The following MCM10 variants were observed in gnomAD, a reference collection of about 807,000 sequenced individuals.
MCM10 encodes the protein minichromosome maintenance 10 replication initiation factor.
A neutral mutation model predicts 109.9 loss-of-function variants in MCM10; 91 were observed. The ratio of observed to expected loss-of-function variants is 0.83; its 90% CI spans 0.70 to 0.99. The LOEUF is 0.99. Ranked by LOEUF, MCM10 falls within the 50% of genes least tolerant of loss-of-function variation. MCM10 has a pLI of 0.00. For synonymous variants in MCM10, 380 were observed against 387.2 expected (o/e 0.98, Z 0.22); for missense variants, 1,077 against 1,061.2 (o/e 1.01, Z -0.21).
chr10:13,186,035 T>TATAG (rs1343896599), intron 8 of MCM10, 129 bp from the exon 9 acceptor site: 1 of 613,644 alleles, frequency 1.6e-6, no homozygotes, highest in East Asian at 2.9e-5. Context: ...GTGCTAGGAT[T>TATAG]ATAGGTGTGA....
At chr10:13,169,491 G>A (rs1834042646) in intron 2 of MCM10, among the ~76,000 whole-genome samples, 2 of 152,136 alleles carry the variant, frequency 1.3e-5, no homozygotes, top group South Asian at 4.1e-4. Context: ...GGAAAACGTG[G>A]ATACCCAGCA....
chr10:13,178,027 G>T (rs1834164069), intron 6 of MCM10, among the ~76,000 whole-genome samples: 1 of 152,102 alleles, frequency 6.6e-6, no homozygotes, highest in Non-Finnish European at 1.5e-5. Context: ...TCTTAGCCAA[G>T]ACCAATGTCC....
chr10:13,176,743 A>G (rs1312674429), intron 6 of MCM10, among the ~76,000 whole-genome samples: 3 of 152,158 alleles, frequency 2.0e-5, no homozygotes, highest in Admixed American at 1.3e-4. Context: ...CAAAAAGTAA[A>G]TTAGCTGGAC....
chr10:13,191,251 C>A, intron 10 of MCM10, 48 bp from the exon 11 acceptor site: 2 of 1,238,150 alleles, frequency 1.6e-6, no homozygotes, highest in Non-Finnish European at 2.4e-6. Context: ...CTCATCAGAG[C>A]ATTGAGGCTT....
rs12248671 is a variant in MCM10 at position 13,180,508 on chromosome 10, T to C, written c.831T>C (p.Ser277=). ...CCGGCCGAAAACTGATCAGACTGTC[T>C]CAGATCAAGGAAAAGATGGCCAGAG... ...KMTGRKLIRL[S]QIKEKMAREK... is the part of the protein sequence containing the mutation. The change falls in exon 7 of 20, where the codon TCT becomes TCC. Residue 277 remains serine, a synonymous_variant. Coordinates refer to ENST00000378714, the MANE Select transcript of MCM10 (RefSeq NM_018518.5). The C allele has an allele frequency of 3.1e-3, 5,006 of 1,613,932 alleles. 143 individuals carry two copies. In the African/African-American group the frequency reaches 0.059, roughly 19 times the overall value.
rs149361755 is a variant in MCM10 at position 13,172,910 on chromosome 10, A to G, written c.592+145A>G. 1,079 of 760,402 alleles carry G rather than the reference A, an allele frequency of 1.4e-3. 2 individuals are homozygous for G. Among genetic ancestry groups the G allele is most frequent in the South Asian group, 2.2e-3 (111 of 50,652 alleles). The allele number at this position is 760,402 out of a possible 1,614,324, so 47.1% of individuals were successfully genotyped here. On this transcript the variant is annotated intron_variant, in intron 5 of 19. Coordinates refer to ENST00000378714, the MANE Select transcript of MCM10 (RefSeq NM_018518.5). This position sits in a 1 kb window ranked among gnomAD's most constrained non-coding sequence, Gnocchi z 5.2. ...AAAGTTTCTTGGGAATGGAAGCCAC[A>G]TGATATATTTTGTGTTCTTCGTCTA...
chr10:13,185,785 C>T (rs61851445), intron 8 of MCM10, among the ~76,000 whole-genome samples: 19,279 of 152,118 alleles, frequency 0.13, 1,511 homozygotes, highest in Non-Finnish European at 0.17. Flanking sequence ...CTTTTTGAGA[C>T]GGCCTCACTC....
At chr10:13,190,197 A>G (rs895616120) in intron 10 of MCM10, among the ~76,000 whole-genome samples, 10 of 152,278 alleles carry the variant, frequency 6.6e-5, no homozygotes, top group African/African-American at 2.4e-4. Context: ...TTTGTTCCCA[A>G]TCCAGCAGGA....
chr10:13,202,416 A>G (rs550672156), intron 17 of MCM10, among the ~76,000 whole-genome samples: 2 of 152,230 alleles, frequency 1.3e-5, no homozygotes, highest in Non-Finnish European at 2.9e-5. Flanking sequence ...TTCCATTACC[A>G]TTTGTTCCCA....
At position 13,210,457 on chromosome 10, in the gene MCM10, T is replaced by C. The variant is rs1834646259; in HGVS notation, c.*1147T>C. ...ATGTTGATACTAGCTAAAGATTGGG[T>C]AAATTGGTTGAATTATTGTATTGAA... On this transcript the variant is annotated 3_prime_UTR_variant, in exon 20 of 20. Transcript: ENST00000378714. 6.6e-6 allele frequency: 1 copy of C among 152,214 alleles called. No homozygotes were observed. The highest frequency in any genetic ancestry group is 1.5e-5 in the Non-Finnish European group (1 of 68,040). 9.4% of individuals were successfully genotyped at this position (152,214 alleles called of 1,614,324 possible).
At position 13,172,786 on chromosome 10, in the gene MCM10, G is replaced by A. The variant is rs12356130; in HGVS notation, c.592+21G>A. On this transcript the variant is annotated intron_variant, in intron 5 of 19. Coordinates refer to ENST00000378714, the MANE Select transcript of MCM10 (RefSeq NM_018518.5). The surrounding 1 kb of genome is among the most constrained non-coding windows in gnomAD (Gnocchi z 5.2). ...TCCAGGTGTAGTACTTGCGGTCTCA[G>A]TATCTTGGCACTATTGTATGTGTTT... is the stretch of plus-strand genomic sequence containing the variant. 0.035 allele frequency: 56,606 copies of A among 1,613,104 alleles called. 1,367 individuals are homozygous for A. Among genetic ancestry groups the A allele is most frequent in the South Asian group, 0.093 (8,467 of 90,970 alleles).
At position 13,172,281 on chromosome 10, in the gene MCM10, G is replaced by T. The variant is rs1001902393; in HGVS notation, c.350-95G>T. 31 of 819,316 alleles carry T rather than the reference G, an allele frequency of 3.8e-5. No individual in the cohort carries two copies. The East Asian group carries it at 6.8e-4, about 18-fold the overall frequency. 50.8% of individuals were successfully genotyped at this position (819,316 alleles called of 1,614,324 possible). A position where few individuals can be genotyped will look rare whatever the true frequency, so the allele number is the denominator to read the frequency against. On this transcript the variant is annotated intron_variant, in intron 3 of 19. Coordinates refer to ENST00000378714, the MANE Select transcript of MCM10 (RefSeq NM_018518.5). This position sits in a 1 kb window ranked among gnomAD's most constrained non-coding sequence, Gnocchi z 5.2. ...ATATTGTGGGTCTCAAGGTATTGGG[G>T]CAGGGAGTGGACAACAAAAATATTG... is the stretch of plus-strand genomic sequence containing the variant.
intron 18 of MCM10, among the ~76,000 whole-genome samples, chr10:13,208,123 C>T (rs1391129554): frequency 6.6e-6 from 1 of 152,318 alleles, no homozygotes; most frequent in South Asian, 2.1e-4. Flanking sequence ...GTGGCTCATG[C>T]CTGTAATTCC....
chr10:13,206,694 GTT>G (rs1171154972), intron 18 of MCM10, among the ~76,000 whole-genome samples: 1 of 151,984 alleles, frequency 6.6e-6, no homozygotes, highest in Non-Finnish European at 1.5e-5. Context: ...AAAAAATTCT[GTT>G]TATTAAGTAC....
intron 5 of MCM10, among the ~76,000 whole-genome samples, chr10:13,175,129 A>C (rs1488419287): frequency 6.6e-6 from 1 of 151,934 alleles, no homozygotes; most frequent in African/African-American, 2.4e-5. Context: ...ATCTCAAAAA[A>C]AAAAAGGAAC....
intron 3 of MCM10, among the ~76,000 whole-genome samples, chr10:13,171,593 A>G (rs1302581686): frequency 6.6e-6 from 1 of 152,178 alleles, no homozygotes; most frequent in Admixed American, 6.5e-5. Flanking sequence ...GCTGCCACAT[A>G]TCTATTTGAG....
intron 10 of MCM10, among the ~76,000 whole-genome samples, chr10:13,189,339 T>C (rs1030277291): frequency 8.5e-5 from 13 of 152,158 alleles, no homozygotes; most frequent in African/African-American, 2.9e-4. Flanking sequence ...TTTTTTTTTT[T>C]TGAGACGGAG....
At chr10:13,170,782 T>G in intron 2 of MCM10, 140 bp from the exon 3 acceptor site, 2 of 649,676 alleles carry the variant, frequency 3.1e-6, no homozygotes, top group African/African-American at 1.8e-5. Context: ...TGGAGTATGG[T>G]TGAACCCATC....
At chr10:13,174,366 G>A (rs1019193487) in intron 5 of MCM10, among the ~76,000 whole-genome samples, 5 of 152,014 alleles carry the variant, frequency 3.3e-5, no homozygotes, top group African/African-American at 9.7e-5. Flanking sequence ...TTGACCTGAA[G>A]TGATCTGCCC....
Sources: gnomAD v4.1 joint callset for allele counts (sites outside exome capture counted in the v4.1 genomes callset) on GRCh38, gnomAD v4.1.1 for gene constraint, Gnocchi (gnomAD v3.1) non-coding constraint, MANE v1.5 for transcripts, NCBI Gene and HGNC (gene_info 2026-07-23, HGNC 2026-07-21) for gene names.